SLC7A7: variants seen among roughly 807,000 people sequenced by gnomAD.
SLC7A7 encodes the protein solute carrier family 7 member 7.
A neutral mutation model predicts 47.9 loss-of-function variants in SLC7A7; 39 were observed. The ratio of observed to expected loss-of-function variants is 0.81; its 90% CI spans 0.63 to 1.06. The LOEUF (loss-of-function observed/expected upper bound fraction) is 1.06, where lower values mean the gene tolerates loss of function less well. Ranked by LOEUF, SLC7A7 falls within the 50% of genes least tolerant of loss-of-function variation. The probability of loss-of-function intolerance (pLI) is 0.00; values close to 1 mark genes in which losing one functional copy is unlikely to be tolerated. For missense variants in SLC7A7, 588 were observed against 632.0 expected, an observed-to-expected ratio of 0.93 and a Z score of 0.75; for synonymous variants, 234 against 242.8, an observed-to-expected ratio of 0.96 and a Z score of 0.34.
chr14:22,813,668 A>G (rs1478093172), intron 1 of SLC7A7, among the ~76,000 whole-genome samples: 1 of 148,586 alleles, frequency 6.7e-6, no homozygotes, highest in East Asian at 2.0e-4. Flanking sequence ...CCCAGGCTGG[A>G]GTGCAGTGGT....
At chr14:22,775,392 C>A (rs964451845) in intron 7 of SLC7A7, 52 bp downstream of exon 7, 2 of 1,420,444 alleles carry the variant, frequency 1.4e-6, no homozygotes, top group Admixed American at 3.3e-5. Context: ...TCTGCTGTTA[C>A]TAAAGTTTCC....
intron 2 of SLC7A7, among the ~76,000 whole-genome samples, chr14:22,806,823 G>A (rs1219527279): frequency 2.0e-5 from 3 of 152,048 alleles, no homozygotes; most frequent in African/African-American, 7.2e-5. Flanking sequence ...CTATGGGCAA[G>A]GCTGGAGGCA....
chr14:22,815,917 GTC>G, upstream of SLC7A7: 1 of 345,870 alleles, frequency 2.9e-6, no homozygotes. Flanking sequence ...TGTAAGAGCA[GTC>G]TCTACACCAT....
chr14:22,783,536 AATTACAGAC>A (rs2038759048), intron 2 of SLC7A7, among the ~76,000 whole-genome samples: 1 of 151,496 alleles, frequency 6.6e-6, no homozygotes, highest in African/African-American at 2.4e-5. Flanking sequence ...GAGTAGCTAG[AATTACAGAC>A]ATTCAACACC....
chr14:22,774,383 T>A lies in SLC7A7; in HGVS notation c.1216A>T (p.Lys406Ter). 1 of 1,614,122 alleles carries A rather than the reference T, an allele frequency of 6.2e-7. No homozygotes were observed. The highest frequency in any genetic ancestry group is 8.5e-7 in the Non-Finnish European group (1 of 1,180,020). ...SIVGQLYLRW[K>*]EPDRPRPLKL... is the part of the protein sequence containing the mutation. ...AGGGGACGAGGTCGATCAGGCTCCT[T>A]CCAGCGCAGATAAAGCTGACCCACA... The change falls in exon 8 of 10, where the codon AAG becomes TAG. Residue 406 changes from lysine to a stop codon, truncating the protein, a stop_gained. Coordinates refer to ENST00000674313, the MANE Select transcript of SLC7A7 (RefSeq NM_003982.4). LOFTEE classifies it high-confidence loss of function.
At chr14:22,782,906 G>C (rs1319306413) in intron 2 of SLC7A7, among the ~76,000 whole-genome samples, 5 of 151,846 alleles carry the variant, frequency 3.3e-5, no homozygotes. Flanking sequence ...GGGATCAAAG[G>C]TGTGCACCAC....
chr14:22,795,423 TTTCTTTCTTTC>T (rs2039001688), intron 2 of SLC7A7, among the ~76,000 whole-genome samples: 1 of 146,096 alleles, frequency 6.8e-6, no homozygotes, highest in South Asian at 2.2e-4. Context: ...TCTTTCTTTC[TTTCTTTCTTTC>T]TTTCTTTCTT....
chr14:22,779,639 G>A (rs955330913), intron 3 of SLC7A7, among the ~76,000 whole-genome samples: 12 of 151,882 alleles, frequency 7.9e-5, no homozygotes, highest in South Asian at 4.2e-4. Context: ...ATTTTTAGTC[G>A]AGATGGGGTT....
rs2039391444 is a variant in SLC7A7 at position 22,815,392 on chromosome 14, A to G, written c.-115T>C. 2.2e-6 allele frequency: 1 copy of G among 454,540 alleles called. No individual in the cohort carries two copies. Among genetic ancestry groups the G allele is most frequent in the Non-Finnish European group, 4.4e-6 (1 of 226,786 alleles). 28.2% of individuals were successfully genotyped at this position (454,540 alleles called of 1,614,324 possible). ...GTCAGGGAGAGAAGTGCCTTCCAGG[A>G]TCTGTGGTCTGATGCTCCTCCTTCC... On this transcript the variant is annotated 5_prime_UTR_variant, in exon 1 of 10. Transcript: ENST00000674313.
chr14:22,811,415 A>T (rs2039303688), intron 2 of SLC7A7, among the ~76,000 whole-genome samples: 1 of 152,316 alleles, frequency 6.6e-6, no homozygotes, highest in African/African-American at 2.4e-5. Context: ...TTTCAAGAAT[A>T]GTGGCATCTG....
At chr14:22,804,298 C>T (rs535872856) in intron 2 of SLC7A7, among the ~76,000 whole-genome samples, 4 of 152,116 alleles carry the variant, frequency 2.6e-5, no homozygotes, top group African/African-American at 4.8e-5. Flanking sequence ...GACATAGGCA[C>T]GGGCAAAGAT....
intron 9 of SLC7A7, 65 bp from the exon 10 acceptor site, chr14:22,773,781 A>AGTTCC: frequency 6.4e-7 from 1 of 1,561,050 alleles, no homozygotes; most frequent in Non-Finnish European, 8.8e-7. Context: ...AGTGTCACTG[A>AGTTCC]ATGGAACTCA....
In SLC7A7 at chr14:22,802,328, G is replaced by A. The variant is rs143765976; in HGVS notation, c.499+10572C>T. ...TGAGGCAGGAGAATCCCTTGAACCC[G>A]GGAGGCAGAGGTTGCAGTGAGCCAA... On this transcript the variant is annotated intron_variant, in intron 2 of 9. Transcript: ENST00000674313. Among the ~76,000 whole-genome samples, 345 of 152,150 alleles carry A rather than the reference G, an allele frequency of 2.3e-3. 2 individuals carry two copies. Among genetic ancestry groups the A allele is most frequent in the East Asian group, 0.016 (84 of 5,176 alleles).
rs71115580 is a variant in SLC7A7, at chr14:22,789,627, C to CA, written c.500-9577dup. Among the ~76,000 whole-genome samples, 564 of 112,514 alleles carry CA rather than the reference C, an allele frequency of 5.0e-3. 7 individuals carry two copies. Among genetic ancestry groups the CA allele is most frequent in the African/African-American group, 0.016 (486 of 29,638 alleles). The allele number at this position is 112,514 out of a possible 152,430, so 73.8% of individuals were successfully genotyped here. On this transcript the variant is annotated intron_variant, in intron 2 of 9. Transcript: ENST00000674313. ...TGGGCAACAGAGCAAGACTCTGGCTCAAAAAAAAAAAAAAAAAAGAAAAAA... is the reference window on the plus strand; with the variant it reads ...TGGGCAACAGAGCAAGACTCTGGCTCAAAAAAAAAAAAAAAAAAAGAAAAAA...
intron 2 of SLC7A7, among the ~76,000 whole-genome samples, chr14:22,797,979 G>A (rs1310030472): frequency 6.6e-6 from 1 of 152,130 alleles, no homozygotes; most frequent in African/African-American, 2.4e-5. Flanking sequence ...ATTTCTATGA[G>A]GTAGGGACCC....
At chr14:22,794,908 C>T (rs2038984038) in intron 2 of SLC7A7, among the ~76,000 whole-genome samples, 2 of 152,170 alleles carry the variant, frequency 1.3e-5, no homozygotes, top group South Asian at 4.2e-4. Context: ...TTGAGAACGG[C>T]TTTTCCCACC....
At chr14:22,816,118 A>T (rs1163783151), upstream of SLC7A7, 3 of 166,860 alleles carry the variant, frequency 1.8e-5, no homozygotes, top group African/African-American at 4.8e-5. Context: ...TTGACAAAAC[A>T]TACCAAGATC....
chr14:22,785,069 A>G (rs1362773085), intron 2 of SLC7A7, among the ~76,000 whole-genome samples: 1 of 151,704 alleles, frequency 6.6e-6, no homozygotes, highest in African/African-American at 2.4e-5. Context: ...ACTTGAGGCC[A>G]GGAGTTTGAG....
rs1334522196 is a variant in SLC7A7 at position 22,778,788 on chromosome 14, C to T, written c.770+5G>A. Reference sequence around the variant, plus strand: ...GCTATGGAAAGTTGGTGGTGCAGTACCTACCTCTCAGGATTCTTGATCTCT... The same window carrying T: ...GCTATGGAAAGTTGGTGGTGCAGTATCTACCTCTCAGGATTCTTGATCTCT... On this transcript the variant is annotated splice_donor_5th_base_variant and intron_variant, in intron 4 of 9. Transcript: ENST00000674313. 2 of 1,613,916 alleles carry T rather than the reference C, an allele frequency of 1.2e-6. No homozygotes were observed. Among genetic ancestry groups the T allele is most frequent in the Non-Finnish European group, 1.7e-6 (2 of 1,179,882 alleles).
Sources: allele counts gnomAD v4.1 joint callset (sites outside exome capture counted in the v4.1 genomes callset), GRCh38; gene constraint gnomAD v4.1.1; transcripts MANE v1.5; gene names NCBI Gene and HGNC (gene_info 2026-07-23, HGNC 2026-07-21).